Variants in TTC28 observed in about 807,000 individuals in gnomAD.
The protein encoded by TTC28 is tetratricopeptide repeat domain 28.
TTC28 carries 61 observed loss-of-function variants against 198.0 expected under a neutral mutation model. The observed-to-expected ratio is 0.31, with a 90% CI of 0.25 to 0.38. The LOEUF is 0.38. Ranked by LOEUF, TTC28 falls within the 10% of genes least tolerant of loss-of-function variation. The pLI is 1.00. For synonymous variants in TTC28, 1,171 were observed against 1,297.8 expected, an observed-to-expected ratio of 0.90 and a Z score of 2.10; for missense variants, 2,678 against 3,164.0, an observed-to-expected ratio of 0.85 and a Z score of 3.69.
At chr22:28,084,961 A>C (rs1601601297) in intron 12 of TTC28, among the ~76,000 whole-genome samples, 2 of 152,150 alleles carry the variant, frequency 1.3e-5, no homozygotes, top group South Asian at 2.1e-4. Flanking sequence ...AGTTTAGAGA[A>C]AAAAGAATAA....
intron 2 of TTC28, among the ~76,000 whole-genome samples, chr22:28,543,422 GGGA>G (rs1384628154): frequency 6.7e-6 from 1 of 148,710 alleles, no homozygotes; most frequent in African/African-American, 2.5e-5. Context: ...ATGAAGAAGA[GGGA>G]GGAGGAGGAA....
intron 6 of TTC28, among the ~76,000 whole-genome samples, chr22:28,109,699 G>A (rs758987239): frequency 1.3e-5 from 2 of 152,160 alleles, no homozygotes; most frequent in African/African-American, 2.4e-5. Flanking sequence ...GGAGAGCTTC[G>A]TCCATCCCAG....
At chr22:28,672,235 C>T (rs2051899447) in intron 1 of TTC28, among the ~76,000 whole-genome samples, 1 of 152,120 alleles carries the variant, frequency 6.6e-6, no homozygotes, top group South Asian at 2.1e-4. Flanking sequence ...TGGAGGCCAT[C>T]TCGGCTCACT....
At chr22:28,616,856 A>T (rs2050912351) in intron 2 of TTC28, among the ~76,000 whole-genome samples, 1 of 152,062 alleles carries the variant, frequency 6.6e-6, no homozygotes, top group Non-Finnish European at 1.5e-5. Context: ...CAAAAAAAAA[A>T]AAAATTCTGT....
At chr22:28,587,146 C>T (rs144836179) in intron 2 of TTC28, among the ~76,000 whole-genome samples, 1,770 of 152,182 alleles carry the variant, frequency 0.012, 16 homozygotes, top group Non-Finnish European at 0.021. Context: ...CATTTGAAGC[C>T]GGGAGTTCGA....
chr22:28,321,647 T>C (rs921440909), intron 2 of TTC28, among the ~76,000 whole-genome samples: 6 of 152,186 alleles, frequency 3.9e-5, no homozygotes, highest in Non-Finnish European at 8.8e-5. Flanking sequence ...TGATAAACTA[T>C]GGAAAGCACC....
chr22:28,196,644 T>A (rs955297709), intron 5 of TTC28, among the ~76,000 whole-genome samples: 4 of 152,108 alleles, frequency 2.6e-5, no homozygotes, highest in East Asian at 1.9e-4. Flanking sequence ...AAACAGACAC[T>A]TCTCAAAAGA....
chr22:28,677,346 T>A (rs994539466), intron 1 of TTC28, among the ~76,000 whole-genome samples: 2 of 151,882 alleles, frequency 1.3e-5, no homozygotes, highest in Non-Finnish European at 2.9e-5. Flanking sequence ...AACCTCAATT[T>A]CAAAATATCA....
At chr22:28,337,707 A>G (rs374089894) in intron 2 of TTC28, among the ~76,000 whole-genome samples, 1 of 152,096 alleles carries the variant, frequency 6.6e-6, no homozygotes, top group Admixed American at 6.6e-5. Flanking sequence ...ATGTTCCTCC[A>G]TCCCTTTATT....
intron 2 of TTC28, among the ~76,000 whole-genome samples, chr22:28,561,880 T>A (rs1247384085): frequency 1.3e-5 from 2 of 152,222 alleles, no homozygotes; most frequent in Middle Eastern, 3.2e-3. Flanking sequence ...TATAGTAGTT[T>A]GTCTTTTCTC....
chr22:28,359,371 A>C (rs2046125101), intron 2 of TTC28, among the ~76,000 whole-genome samples: 1 of 152,208 alleles, frequency 6.6e-6, no homozygotes, highest in African/African-American at 2.4e-5. Context: ...ATAGCCTCTC[A>C]AATCAAATTT....
chr22:28,046,945 T>C (rs531463665), intron 12 of TTC28, among the ~76,000 whole-genome samples: 1 of 152,326 alleles, frequency 6.6e-6, no homozygotes, highest in East Asian at 1.9e-4. Flanking sequence ...CACCTCCCCA[T>C]GTCCAGATGC....
chr22:28,585,419 G>T (rs1484407248), intron 2 of TTC28, among the ~76,000 whole-genome samples: 1 of 152,256 alleles, frequency 6.6e-6, no homozygotes, highest in East Asian at 1.9e-4. Flanking sequence ...CGCAGTTCAC[G>T]ATAGGGTTAA....
At chr22:28,221,617 CCTTAGACT>C (rs1467480666) in intron 5 of TTC28, among the ~76,000 whole-genome samples, 2 of 152,172 alleles carry the variant, frequency 1.3e-5, no homozygotes, top group African/African-American at 4.8e-5. Flanking sequence ...GCTTGACACT[CCTTAGACT>C]GAAACCACTG....
intron 2 of TTC28, among the ~76,000 whole-genome samples, chr22:28,317,029 C>T (rs2045363655): frequency 1.3e-5 from 2 of 152,132 alleles, no homozygotes; most frequent in Non-Finnish European, 1.5e-5. Context: ...CTGCCTTGGC[C>T]TCCTAAAGTG....
intron 5 of TTC28, among the ~76,000 whole-genome samples, chr22:28,228,150 C>T (rs530349262): frequency 6.6e-6 from 1 of 151,628 alleles, no homozygotes; most frequent in South Asian, 2.1e-4. Flanking sequence ...ATACGAGATA[C>T]CTAGAGTAAA....
intron 5 of TTC28, among the ~76,000 whole-genome samples, chr22:28,224,728 T>C (rs767423560): frequency 1.3e-5 from 2 of 151,990 alleles, no homozygotes. Context: ...AAGAAAGTGA[T>C]CTCCCCTTCA....
rs148644863 is a variant in TTC28, at chr22:28,193,596, G to A, written c.934-29997C>T. 9.6e-3 allele frequency among the ~76,000 whole-genome samples: 1,463 copies of A among 152,128 alleles called. 33 individuals are homozygous for A. Among genetic ancestry groups the A allele is most frequent in the African/African-American group, 0.033 (1,389 of 41,522 alleles). ...AAAATAAAGGGATGGAGGAAGATCT[G>A]CCAAGCAAATGGAAAACAAAAAAAG... is the stretch of plus-strand genomic sequence containing the variant. On this transcript the variant is annotated intron_variant, in intron 5 of 22. Transcript: ENST00000397906.
chr22:28,259,824 G>T (rs1363163176), intron 5 of TTC28, among the ~76,000 whole-genome samples: 1 of 152,052 alleles, frequency 6.6e-6, no homozygotes, highest in Admixed American at 6.6e-5. Context: ...TAGATATTTG[G>T]CATTAAAAAC....
Sources: allele counts gnomAD v4.1 joint callset (sites outside exome capture counted in the v4.1 genomes callset), GRCh38; gene constraint gnomAD v4.1.1; transcripts MANE v1.5; gene names NCBI Gene and HGNC (gene_info 2026-07-23, HGNC 2026-07-21).